The following ITGA9 variants were observed in gnomAD, a reference collection of about 807,000 sequenced individuals.
ITGA9 encodes the protein integrin alpha-9.
Under a neutral mutation model 127.8 loss-of-function variants are expected in ITGA9, and 56 were observed. The ratio of observed to expected loss-of-function variants is 0.44; its 90% confidence interval spans 0.35 to 0.55. The LOEUF (loss-of-function observed/expected upper bound fraction) is 0.55. Among genes scored for constraint, ITGA9 ranks in the 20% least tolerant of loss-of-function variants. The pLI, the probability that ITGA9 is intolerant of heterozygous loss-of-function variation, is 0.00. For missense variants in ITGA9, 1,196 were observed against 1,347.1 expected (o/e 0.89, Z 1.76); for synonymous variants, 508 against 514.5 (o/e 0.99, Z 0.17).
Position 37,506,103 on chromosome 3 carries a change from TG to T in ITGA9, c.828+20del. 6.4e-7 allele frequency: 1 copy of T among 1,558,410 alleles called. No individual in the cohort carries two copies. Among genetic ancestry groups the T allele is most frequent in the Non-Finnish European group, 8.8e-7 (1 of 1,136,212 alleles). On this transcript the variant is annotated intron_variant, in intron 7 of 27. Coordinates refer to ENST00000264741, the MANE Select transcript of ITGA9 (RefSeq NM_002207.3). ...TCGGCAAGGTGAGGAGAAACATCTG[TG>T]GAATAGCTGGGGTCAGACAGAAGAG...
intron 15 of ITGA9, among the ~76,000 whole-genome samples, chr3:37,547,621 G>C (rs1398288436): frequency 6.6e-6 from 1 of 152,038 alleles, no homozygotes; most frequent in Non-Finnish European, 1.5e-5. Context: ...AGAACTCTGA[G>C]AAAGAGGAGA....
In ITGA9 at chr3:37,522,159, G is replaced by A. The variant is rs745570302; in HGVS notation, c.1237-1362G>A. On this transcript the variant is annotated intron_variant, in intron 11 of 27. Transcript: ENST00000264741. ...GAGCCCCTAGATAGCTGTAAACCTG[G>A]TTCTATTGTACTTTGAAAACAAAGC... Among the ~76,000 whole-genome samples the A allele has an allele frequency of 2.6e-5, 4 of 152,176 alleles. No individual in the cohort carries two copies. The East Asian group carries it at 5.8e-4, about 22-fold the overall frequency.
At chr3:37,453,121 C>A (rs5022384) in intron 1 of ITGA9, among the ~76,000 whole-genome samples, 1 of 141,158 alleles carries the variant, frequency 7.1e-6, no homozygotes, top group Non-Finnish European at 1.6e-5. Flanking sequence ...CGGCGCCCCC[C>A]CCCCCCCCCA....
chr3:37,742,137 C>T (rs953989903), intron 21 of ITGA9, among the ~76,000 whole-genome samples: 7 of 152,182 alleles, frequency 4.6e-5, no homozygotes, highest in African/African-American at 1.7e-4. Flanking sequence ...CTAGTCCCTC[C>T]AGAATGCTGT....
chr3:37,589,938 A>C (rs1699798733), intron 15 of ITGA9, among the ~76,000 whole-genome samples: 1 of 152,042 alleles, frequency 6.6e-6, no homozygotes, highest in Non-Finnish European at 1.5e-5. Context: ...CTGCCTCTGC[A>C]CTGTTAGTCC....
chr3:37,818,821 C>A, intron 27 of ITGA9, 70 bp from the exon 28 acceptor site: 1 of 1,171,092 alleles, frequency 8.5e-7, no homozygotes, highest in Non-Finnish European at 1.3e-6. Context: ...CAGGGACAGA[C>A]TGCCTTGGGG....
intron 1 of ITGA9, among the ~76,000 whole-genome samples, chr3:37,463,714 G>A (rs1204625383): frequency 6.6e-6 from 1 of 152,174 alleles, no homozygotes; most frequent in Non-Finnish European, 1.5e-5. Context: ...AAAGAGCAGG[G>A]ATACAGGAAG....
At chr3:37,612,570 G>T (rs2125626489) in intron 15 of ITGA9, among the ~76,000 whole-genome samples, 1 of 152,342 alleles carries the variant, frequency 6.6e-6, no homozygotes, top group Non-Finnish European at 1.5e-5. Context: ...CTAAATTTCA[G>T]TTAGAGGTTA....
At chr3:37,518,007 G>A (rs1374054873) in intron 10 of ITGA9, among the ~76,000 whole-genome samples, 2 of 152,084 alleles carry the variant, frequency 1.3e-5, no homozygotes, top group East Asian at 1.9e-4. Context: ...CCATGTTGAT[G>A]GGGAAATGAG....
At chr3:37,551,284 C>T (rs1234510679) in intron 15 of ITGA9, among the ~76,000 whole-genome samples, 1 of 152,086 alleles carries the variant, frequency 6.6e-6, no homozygotes, top group African/African-American at 2.4e-5. Context: ...TTCGCCAGCC[C>T]CTCTGCACTC....
At chr3:37,740,400 C>T (rs1474179274) in intron 20 of ITGA9, among the ~76,000 whole-genome samples, 4 of 152,192 alleles carry the variant, frequency 2.6e-5, no homozygotes, top group Admixed American at 1.3e-4. Context: ...GAATAATGAT[C>T]ACAATTCCTA....
chr3:37,505,847 G>A (rs1011518473), intron 6 of ITGA9, among the ~76,000 whole-genome samples, 153 bp from the exon 7 acceptor site: 1 of 152,190 alleles, frequency 6.6e-6, no homozygotes, highest in African/African-American at 2.4e-5. Flanking sequence ...AGCCATTTCA[G>A]CATGAGAAGG....
At chr3:37,747,659 A>G (rs930755967) in intron 22 of ITGA9, among the ~76,000 whole-genome samples, 4 of 151,446 alleles carry the variant, frequency 2.6e-5, no homozygotes, top group African/African-American at 7.3e-5. Context: ...GATTTTCACA[A>G]ATAAGAACAT....
intron 18 of ITGA9, among the ~76,000 whole-genome samples, chr3:37,708,024 C>A (rs1214664382): frequency 1.3e-5 from 2 of 152,182 alleles, no homozygotes; most frequent in African/African-American, 4.8e-5. Context: ...ATTAGCATAA[C>A]AAACCACCCC....
rs1394228877 is a variant in ITGA9, at chr3:37,822,549, A to G, written c.*3560A>G. The G allele has an allele frequency of 1.3e-5, 2 of 152,204 alleles. No homozygotes were observed. Among genetic ancestry groups the G allele is most frequent in the Non-Finnish European group, 2.9e-5 (2 of 68,044 alleles). The allele number at this position is 152,204 out of a possible 1,614,324, so 9.4% of individuals were successfully genotyped here. ...GTTCTTTAGGAAAACTGTCAGCATC[A>G]TGGGTACTCAGAGGTATGGTAGACC... On this transcript the variant is annotated 3_prime_UTR_variant, in exon 28 of 28. Coordinates refer to ENST00000264741, the MANE Select transcript of ITGA9 (RefSeq NM_002207.3).
At chr3:37,779,258 C>T (rs1304550800) in intron 24 of ITGA9, among the ~76,000 whole-genome samples, 1 of 152,160 alleles carries the variant, frequency 6.6e-6, no homozygotes, top group Non-Finnish European at 1.5e-5. Flanking sequence ...GCGGCCACCA[C>T]TATGCCTGGC....
At chr3:37,608,325 A>G (rs548380682) in intron 15 of ITGA9, among the ~76,000 whole-genome samples, 1 of 152,364 alleles carries the variant, frequency 6.6e-6, no homozygotes, top group African/African-American at 2.4e-5. Context: ...ACACATGAAT[A>G]CTATTTCAGG....
At chr3:37,613,580 A>C (rs1271748599) in intron 15 of ITGA9, among the ~76,000 whole-genome samples, 1 of 152,240 alleles carries the variant, frequency 6.6e-6, no homozygotes, top group Non-Finnish European at 1.5e-5. Flanking sequence ...AATCCCACCA[A>C]CAGTGTAAAA....
chr3:37,521,928 C>T (rs1336962427), intron 11 of ITGA9, among the ~76,000 whole-genome samples: 1 of 152,112 alleles, frequency 6.6e-6, no homozygotes, highest in East Asian at 1.9e-4. Flanking sequence ...TTGGACATTT[C>T]CTGTTGGATG....
Sources: allele counts gnomAD v4.1 joint callset (sites outside exome capture counted in the v4.1 genomes callset), GRCh38; gene constraint gnomAD v4.1.1; transcripts MANE v1.5; gene names NCBI Gene and HGNC (gene_info 2026-07-23, HGNC 2026-07-21).